The following GRIK3 variants were observed in gnomAD, a reference collection of about 807,000 sequenced individuals.
GRIK3 encodes the protein glutamate ionotropic receptor kainate type subunit 3, also known as glutamate receptor ionotropic, kainate 3.
GRIK3 carries 29 observed loss-of-function variants against 102.5 expected under a neutral mutation model. The ratio of observed to expected loss-of-function variants is 0.28; its 90% CI spans 0.21 to 0.39. The LOEUF is 0.39. GRIK3 is among the 10% of genes least tolerant of loss of function. The probability of loss-of-function intolerance (pLI) is 1.00; values close to 1 mark genes in which losing one functional copy is unlikely to be tolerated. For missense variants in GRIK3, 908 were observed against 1,252.4 expected, an observed-to-expected ratio of 0.73 and a Z score of 4.15; for synonymous variants, 511 against 504.9, an observed-to-expected ratio of 1.01 and a Z score of -0.16.
At chr1:36,831,089 C>T (rs1004608948) in intron 10 of GRIK3, among the ~76,000 whole-genome samples, 3 of 152,198 alleles carry the variant, frequency 2.0e-5, no homozygotes, top group Non-Finnish European at 2.9e-5. Context: ...ACTAACATTC[C>T]TGCCACTTAG....
At chr1:36,853,284 C>T (rs978048842) in intron 8 of GRIK3, among the ~76,000 whole-genome samples, 10 of 152,134 alleles carry the variant, frequency 6.6e-5, no homozygotes, top group African/African-American at 2.4e-4. Flanking sequence ...CCATGACAGC[C>T]CTGCAGGGAC....
chr1:36,827,334 A>C (rs1268200307), intron 10 of GRIK3, among the ~76,000 whole-genome samples: 1 of 152,120 alleles, frequency 6.6e-6, no homozygotes, highest in Non-Finnish European at 1.5e-5. Flanking sequence ...GGATATTTAC[A>C]TCTCAGAATG....
chr1:36,960,130 G>A (rs1215885980), intron 1 of GRIK3, among the ~76,000 whole-genome samples: 1 of 136,734 alleles, frequency 7.3e-6, no homozygotes, highest in Non-Finnish European at 1.6e-5. Flanking sequence ...TGTGCCTCGT[G>A]AGCCTGTGCC....
At position 36,859,316 on chromosome 1, in the gene GRIK3, T is replaced by C; in HGVS notation, c.961-65A>G. Reference sequence around the variant, plus strand: ...CTCCAGTCCTCAGCCCACCCTGCCCTGTCCCCCTTCTCCTCCCTTGCCACA... The same window carrying C: ...CTCCAGTCCTCAGCCCACCCTGCCCCGTCCCCCTTCTCCTCCCTTGCCACA... On this transcript the variant is annotated intron_variant, in intron 6 of 15. Transcript: ENST00000373091. The C allele has an allele frequency of 3.3e-6, 5 of 1,516,210 alleles. No homozygotes were observed. In the South Asian group the frequency reaches 5.0e-5, roughly 15 times the overall value. The allele number at this position is 1,516,210 out of a possible 1,614,324, so 93.9% of individuals were successfully genotyped here.
At position 36,933,879 on chromosome 1, in the gene GRIK3, T is replaced by C. The variant is rs1224106589; in HGVS notation, c.116-42783A>G. 2.6e-5 allele frequency among the ~76,000 whole-genome samples: 4 copies of C among 152,288 alleles called. No homozygotes were observed. In the East Asian group the frequency reaches 7.7e-4, roughly 29 times the overall value. ...TGCCCTCTCTTCGACCTTCTGCTTT[T>C]CCCCAGAGGAAGGAGAACTTCCACT... On this transcript the variant is annotated intron_variant, in intron 1 of 15. Coordinates refer to ENST00000373091, the MANE Select transcript of GRIK3 (RefSeq NM_000831.4).
At chr1:36,966,850 G>T (rs1342386525) in intron 1 of GRIK3, among the ~76,000 whole-genome samples, 1 of 151,938 alleles carries the variant, frequency 6.6e-6, no homozygotes, top group Non-Finnish European at 1.5e-5. Context: ...TAATAGAGCC[G>T]GGCATGGTGA....
chr1:36,858,097 C>A, intron 7 of GRIK3, among the ~76,000 whole-genome samples: 1 of 152,228 alleles, frequency 6.6e-6, no homozygotes, highest in East Asian at 1.9e-4. Context: ...GCTTCCCCCA[C>A]TGCCCTTGGT....
At chr1:37,004,759 C>A (rs564026585) in intron 1 of GRIK3, among the ~76,000 whole-genome samples, 2 of 152,228 alleles carry the variant, frequency 1.3e-5, no homozygotes, top group Non-Finnish European at 2.9e-5. Context: ...ATGGGGACAG[C>A]GATTAACTGC....
intron 10 of GRIK3, among the ~76,000 whole-genome samples, chr1:36,830,193 A>G (rs567193219): frequency 6.6e-6 from 1 of 152,206 alleles, no homozygotes. Flanking sequence ...CAGGTGGTCA[A>G]CATCCTCGTC....
chr1:36,836,055 G>A (rs938600020), intron 10 of GRIK3, among the ~76,000 whole-genome samples: 2 of 152,180 alleles, frequency 1.3e-5, no homozygotes, highest in Non-Finnish European at 2.9e-5. Context: ...CAACTGCCCT[G>A]TCCCCTCCAG....
intron 14 of GRIK3, among the ~76,000 whole-genome samples, chr1:36,805,884 CGA>C (rs1297375078): frequency 1.4e-5 from 2 of 138,100 alleles, no homozygotes; most frequent in East Asian, 4.2e-4. Flanking sequence ...TGCGGTGAAC[CGA>C]GATCATGCCA....
intron 1 of GRIK3, among the ~76,000 whole-genome samples, chr1:36,972,315 A>G (rs992804521): frequency 6.6e-6 from 1 of 152,230 alleles, no homozygotes; most frequent in African/African-American, 2.4e-5. Flanking sequence ...CAGGGCTGAA[A>G]GTGGACAGAT....
intron 3 of GRIK3, among the ~76,000 whole-genome samples, chr1:36,874,633 C>T (rs1335277446): frequency 6.6e-6 from 1 of 152,236 alleles, no homozygotes; most frequent in Non-Finnish European, 1.5e-5. Flanking sequence ...TGATGCTTCC[C>T]TTTCATATCT....
At chr1:36,948,816 C>T (rs568881168) in intron 1 of GRIK3, among the ~76,000 whole-genome samples, 2 of 152,208 alleles carry the variant, frequency 1.3e-5, no homozygotes, top group South Asian at 2.1e-4. Flanking sequence ...GCCCACTGCC[C>T]GCCAGGTGGA....
intron 1 of GRIK3, among the ~76,000 whole-genome samples, chr1:36,897,236 T>G (rs1408219186): frequency 6.6e-6 from 1 of 152,190 alleles, no homozygotes; most frequent in Non-Finnish European, 1.5e-5. Context: ...TGGTCTTATA[T>G]GTAGAAAACC....
At position 37,034,161 on chromosome 1, in the gene GRIK3, G is replaced by C; in HGVS notation, c.-53C>G. 1 of 900,782 alleles carries C rather than the reference G, an allele frequency of 1.1e-6. No individual in the cohort carries two copies. Among genetic ancestry groups the C allele is most frequent in the Non-Finnish European group, 1.6e-6 (1 of 626,262 alleles). 55.8% of individuals were successfully genotyped at this position (900,782 alleles called of 1,614,324 possible). On this transcript the variant is annotated 5_prime_UTR_variant, in exon 1 of 16. Transcript: ENST00000373091. ...GCGCGGCCGTGGCGGGCTCCCTGGG[G>C]CGGCAGCTCTAGGCGCGGGCGCGCA...
intron 1 of GRIK3, among the ~76,000 whole-genome samples, chr1:36,993,275 T>C (rs186088647): frequency 5.7e-4 from 86 of 152,206 alleles, no homozygotes; most frequent in African/African-American, 1.9e-3. Flanking sequence ...TACTGTTTTA[T>C]TTCTATTTAG....
intron 1 of GRIK3, among the ~76,000 whole-genome samples, chr1:36,971,851 C>T (rs190668495): frequency 8.2e-4 from 125 of 152,280 alleles, no homozygotes; most frequent in African/African-American, 2.8e-3. Context: ...CTTGCAGCCA[C>T]ATTATATAAA....
At chr1:36,923,170 G>A (rs1211071247) in intron 1 of GRIK3, among the ~76,000 whole-genome samples, 1 of 152,220 alleles carries the variant, frequency 6.6e-6, no homozygotes, top group East Asian at 1.9e-4. Context: ...TAAATTAACT[G>A]ATTAAAACCA....
Sources: allele counts gnomAD v4.1 joint callset (sites outside exome capture counted in the v4.1 genomes callset), GRCh38; gene constraint gnomAD v4.1.1; transcripts MANE v1.5; gene names NCBI Gene and HGNC (gene_info 2026-07-23, HGNC 2026-07-21).